Variants in PCLO observed in about 807,000 individuals in gnomAD.
PCLO encodes the protein protein piccolo.
A neutral mutation model predicts 427.5 loss-of-function variants in PCLO; 82 were observed. The observed-to-expected ratio is 0.19, with a 90% CI of 0.16 to 0.23. The LOEUF (loss-of-function observed/expected upper bound fraction) is 0.23. Ranked by LOEUF, PCLO falls within the 10% of genes least tolerant of loss-of-function variation. The pLI is 1.00. For missense variants in PCLO, 6,239 were observed against 6,115.9 expected (o/e 1.02, Z -0.67); for synonymous variants, 2,357 against 2,155.4 (o/e 1.09, Z -2.59).
At chr7:83,004,937 AATC>A (rs1787911364) in intron 3 of PCLO, among the ~76,000 whole-genome samples, 1 of 151,624 alleles carries the variant, frequency 6.6e-6, no homozygotes. Context: ...CAACATCACT[AATC>A]ATCAGGAAAA....
chr7:83,141,913 G>C (rs950672615), intron 2 of PCLO, among the ~76,000 whole-genome samples: 3 of 152,148 alleles, frequency 2.0e-5, no homozygotes, highest in Non-Finnish European at 2.9e-5. Context: ...AAAATAATCA[G>C]TTTGATACAT....
rs1794439071 is a variant in PCLO at position 82,915,732 on chromosome 7, G to A, written c.12254C>T (p.Thr4085Ile). 1 of 1,612,162 alleles carries A rather than the reference G, an allele frequency of 6.2e-7. No homozygotes were observed. The highest frequency in any genetic ancestry group is 8.5e-7 in the Non-Finnish European group (1 of 1,179,090). Residue 4085 changes from threonine to isoleucine, a missense_variant, in exon 7 of 25, where the codon ACA becomes ATA. This residue lies in a region of PCLO where 680 missense variants were observed against 677.3 expected (regional missense o/e 1.00). Transcript: ENST00000333891. Reference sequence around the variant, plus strand: ...ATCTGTCACTTCTTGAGACCGGCGTGTCTCAGTGGTTCGAAGGAGACGGTC... The same window carrying A: ...ATCTGTCACTTCTTGAGACCGGCGTATCTCAGTGGTTCGAAGGAGACGGTC... ...KTDRLLRTTE[T>I]RRSQEVTDFL...
At chr7:82,827,719 AT>A (rs894610756) in intron 17 of PCLO, among the ~76,000 whole-genome samples, 153 bp downstream of exon 17, 1 of 151,944 alleles carries the variant, frequency 6.6e-6, no homozygotes, top group Non-Finnish European at 1.5e-5. Context: ...AATGTCACTC[AT>A]TTTTTTCCAT....
At chr7:82,801,833 A>G (rs577165819) in intron 21 of PCLO, among the ~76,000 whole-genome samples, 7 of 152,138 alleles carry the variant, frequency 4.6e-5, no homozygotes, top group Non-Finnish European at 8.8e-5. Flanking sequence ...GCCAAACAAT[A>G]TACCTCAACA....
intron 6 of PCLO, among the ~76,000 whole-genome samples, chr7:82,924,549 T>G (rs1794669626): frequency 1.3e-5 from 2 of 152,056 alleles, no homozygotes; most frequent in Non-Finnish European, 2.9e-5. Context: ...ACTGCAATAA[T>G]TATGGAAAAG....
intron 3 of PCLO, among the ~76,000 whole-genome samples, chr7:82,987,731 C>G (rs1219297910): frequency 6.6e-6 from 1 of 152,048 alleles, no homozygotes; most frequent in Admixed American, 6.6e-5. Flanking sequence ...GTAAATTTAT[C>G]AGTTCCAACC....
intron 3 of PCLO, among the ~76,000 whole-genome samples, chr7:83,088,779 G>A (rs1216872971): frequency 6.6e-6 from 1 of 152,058 alleles, no homozygotes; most frequent in African/African-American, 2.4e-5. Flanking sequence ...CACTGTCTGA[G>A]TTGTGATGTC....
Position 82,797,456 on chromosome 7 carries a change from A to G in PCLO, c.15007+4062T>C, listed in dbSNP as rs147615351. ...GTAAATTGGGAAAACACTCATCTGT[A>G]CAATTTGAAAGTCTAATTGGTTTGA... On this transcript the variant is annotated intron_variant, in intron 22 of 24. Coordinates refer to ENST00000333891, the MANE Select transcript of PCLO (RefSeq NM_033026.6). Among the ~76,000 whole-genome samples, 963 of 152,276 alleles carry G rather than the reference A, an allele frequency of 6.3e-3. 8 individuals are homozygous for G. The highest frequency in any genetic ancestry group is 6.3e-3 in the Non-Finnish European group (427 of 67,990).
chr7:82,824,439 A>C, intron 18 of PCLO, 23 bp from the exon 19 acceptor site: 1 of 1,498,330 alleles, frequency 6.7e-7, no homozygotes, highest in Non-Finnish European at 9.1e-7. Flanking sequence ...GTAACAAATA[A>C]ATGAAATTTA....
intron 3 of PCLO, among the ~76,000 whole-genome samples, chr7:83,018,793 A>G (rs1037451786): frequency 6.6e-6 from 1 of 152,012 alleles, no homozygotes; most frequent in African/African-American, 2.4e-5. Context: ...GCTTATTAAC[A>G]AGGAGATAAT....
rs73707546 is a variant in PCLO at position 83,108,888 on chromosome 7, C to T, written c.3300+25362G>A. Reference sequence around the variant, plus strand: ...CAAAATGTACTGGAGTTAGAAATGTCTGTGGCTACCTGAAGTAGCTCTAAA... The same window carrying T: ...CAAAATGTACTGGAGTTAGAAATGTTTGTGGCTACCTGAAGTAGCTCTAAA... On this transcript the variant is annotated intron_variant, in intron 3 of 24. Transcript: ENST00000333891. Among the ~76,000 whole-genome samples, 1,273 of 152,178 alleles carry T rather than the reference C, an allele frequency of 8.4e-3. 10 individuals are homozygous for T. The highest frequency in any genetic ancestry group is 0.029 in the African/African-American group (1,207 of 41,516).
chr7:83,137,272 T>C (rs1791752607), intron 2 of PCLO, among the ~76,000 whole-genome samples: 2 of 152,348 alleles, frequency 1.3e-5, no homozygotes, highest in Admixed American at 1.3e-4. Context: ...ACAAGGCTTA[T>C]TTTGCACTCT....
chr7:83,043,359 T>C (rs1433120466), intron 3 of PCLO, among the ~76,000 whole-genome samples: 2 of 152,196 alleles, frequency 1.3e-5, no homozygotes, highest in East Asian at 3.9e-4. Context: ...CAGAGAAGGA[T>C]ATGACTAGTT....
chr7:82,916,158 G>A lies in PCLO; in HGVS notation c.11828C>T (p.Thr3943Ile), dbSNP rs1319652343. ...CTGATAAGAAGGCTGTGGGGTTGGT[G>A]TAGGTTGAACTTGAGGTGTGAAGGA... ...TMSFTPQVQP[T>I]PTPQPSYQLP... is the part of the protein sequence containing the mutation. Residue 3943 changes from threonine (T) to isoleucine (I), a missense_variant, in exon 7 of 25, where the codon ACA (threonine) becomes ATA (isoleucine). Thr to Ile is a moderately conservative substitution (Grantham distance 89, BLOSUM62 -1). Coordinates refer to ENST00000333891, the MANE Select transcript of PCLO (RefSeq NM_033026.6). 1 of 1,613,618 alleles carries A rather than the reference G, an allele frequency of 6.2e-7. No individual in the cohort carries two copies. Among genetic ancestry groups the A allele is most frequent in the Non-Finnish European group, 8.5e-7 (1 of 1,179,720 alleles).
At chr7:83,080,590 G>A (rs1021000237) in intron 3 of PCLO, among the ~76,000 whole-genome samples, 2 of 152,162 alleles carry the variant, frequency 1.3e-5, no homozygotes, top group African/African-American at 4.8e-5. Context: ...TCATTTGAAT[G>A]CTCTCCCCAA....
At chr7:83,056,135 T>C (rs1431648153) in intron 3 of PCLO, among the ~76,000 whole-genome samples, 3 of 152,168 alleles carry the variant, frequency 2.0e-5, no homozygotes, top group Non-Finnish European at 2.9e-5. Context: ...ATTTAAAATA[T>C]AGGTTTCTGG....
intron 3 of PCLO, among the ~76,000 whole-genome samples, chr7:83,027,778 C>A (rs1788543969): frequency 1.8e-5 from 2 of 110,080 alleles, no homozygotes; most frequent in Non-Finnish European, 3.9e-5. Context: ...GGGCTTCATC[C>A]CTGGGATGCA....
chr7:82,804,897 G>A (rs1312213380), intron 21 of PCLO, among the ~76,000 whole-genome samples: 2 of 152,142 alleles, frequency 1.3e-5, no homozygotes, highest in Admixed American at 6.6e-5. Flanking sequence ...CCTGGGACCT[G>A]GGTGGCCCAG....
chr7:83,030,510 C>T (rs1788640788), intron 3 of PCLO, among the ~76,000 whole-genome samples: 2 of 152,090 alleles, frequency 1.3e-5, no homozygotes, highest in African/African-American at 4.8e-5. Context: ...ATCTCTGTAG[C>T]CCTTTTGTGT....
Sources: gnomAD v4.1 joint callset for allele counts (sites outside exome capture counted in the v4.1 genomes callset) on GRCh38, gnomAD v4.1.1 for gene constraint, gnomAD v4.1.1 regional missense constraint, MANE v1.5 for transcripts, NCBI Gene and HGNC (gene_info 2026-07-23, HGNC 2026-07-21) for gene names.